Variants in HPX observed in about 807,000 individuals in gnomAD.
The protein encoded by HPX is beta-1B-glycoprotein.
HPX carries 42 observed loss-of-function variants against 53.8 expected under a neutral mutation model. That is an observed-to-expected ratio of 0.78 (90% CI 0.61 to 1.01). HPX has a LOEUF of 1.01. HPX is among the 50% of genes least tolerant of loss of function. The pLI, the probability that HPX is intolerant of heterozygous loss-of-function variation, is 0.00. For missense variants in HPX, 547 were observed against 594.3 expected (o/e 0.92, Z 0.83); for synonymous variants, 229 against 221.1 (o/e 1.04, Z -0.32).
chr11:6,436,577 G>A (rs1217212356), intron 7 of HPX, among the ~76,000 whole-genome samples: 1 of 152,212 alleles, frequency 6.6e-6, no homozygotes, highest in East Asian at 1.9e-4. Context: ...TCCCCAGGCA[G>A]TGCTATGCCC....
Position 6,438,596 on chromosome 11 carries a change from A to T in HPX, c.337-87T>A, listed in dbSNP as rs907764136. The stretch of plus-strand genomic sequence containing the variant: ...CACACATTTTTTATCTACTGTGCTT[A>T]TACGATATCCTCCTGTGGCCCTACA... On this transcript the variant is annotated intron_variant, in intron 4 of 9. Coordinates refer to ENST00000265983, the MANE Select transcript of HPX (RefSeq NM_000613.3). The T allele has an allele frequency of 3.1e-5, 38 of 1,226,128 alleles. No homozygotes were observed. In the Admixed American group the frequency reaches 5.0e-4, roughly 16 times the overall value. 76.0% of individuals were successfully genotyped at this position (1,226,128 alleles called of 1,614,324 possible).
At chr11:6,435,874 T>A (rs2682098) in intron 7 of HPX, among the ~76,000 whole-genome samples, 68,333 of 152,108 alleles carry the variant, frequency 0.45, 15,626 homozygotes, top group Admixed American at 0.55. Context: ...CCACATGGCC[T>A]TGAAGTTCTG....
intron 5 of HPX, chr11:6,438,036 A>G (rs1849438994): frequency 2.0e-6 from 1 of 488,556 alleles, no homozygotes; most frequent in African/African-American, 1.9e-5. Flanking sequence ...AAGTATAATA[A>G]AAGTCAAAGC....
In HPX at chr11:6,440,954, C is replaced by T; in HGVS notation, c.10G>A (p.Val4Ile). The change falls in exon 1 of 10, where the codon GTA becomes ATA. Residue 4 changes from valine (V) to isoleucine (I), a missense_variant. By Grantham distance (29) the Val-to-Ile change is conservative. Transcript: ENST00000265983. MARVLGAPVALGLW... is the reference protein window; with the variant it reads MARILGAPVALGLW... ...CCCAGTGCAACGGGTGCTCCCAGTA[C>T]CCTAGCCATGCTGAGCTGCAGAGGC... The T allele has an allele frequency of 6.2e-7, 1 of 1,604,942 alleles. No individual in the cohort carries two copies. Among genetic ancestry groups the T allele is most frequent in the Non-Finnish European group, 8.5e-7 (1 of 1,175,236 alleles).
chr11:6,435,607 C>A (rs894075903), intron 7 of HPX, among the ~76,000 whole-genome samples: 1 of 151,988 alleles, frequency 6.6e-6, no homozygotes, highest in Non-Finnish European at 1.5e-5. Flanking sequence ...CTACCACACC[C>A]GACTAATTTT....
chr11:6,435,541 T>C (rs1481600557), intron 7 of HPX, among the ~76,000 whole-genome samples: 1 of 152,136 alleles, frequency 6.6e-6, no homozygotes, highest in Non-Finnish European at 1.5e-5. Flanking sequence ...CACGGCTCAC[T>C]GAAGCCTCGA....
In HPX at chr11:6,438,369, G is replaced by A; in HGVS notation, c.477C>T (p.Val159=). Residue 159 remains valine (V), a synonymous_variant, in exon 5 of 10, where the codon GTC becomes GTT. Coordinates refer to ENST00000265983, the MANE Select transcript of HPX (RefSeq NM_000613.3). ...GCCTGGACTGACCTTGGAAGAAGAG[G>A]ACGCCTTCAGCTTGACATTCTCCAC... ...CHRGECQAEG[V]LFFQGDREWF... 1.9e-6 allele frequency: 3 copies of A among 1,614,168 alleles called. No individual in the cohort carries two copies. The highest frequency in any genetic ancestry group is 1.3e-5 in the African/African-American group (1 of 75,042).
Position 6,431,052 on chromosome 11 carries a change from A to C in HPX, c.*159T>G. On this transcript the variant is annotated 3_prime_UTR_variant, in exon 10 of 10. Transcript: ENST00000265983. ...TTTCACGACCAAGGTCCCTTGATTC[A>C]AGTGAAGAAGCAATCTGTCTTTATT... is the stretch of plus-strand genomic sequence containing the variant. 1.0e-6 allele frequency: 1 copy of C among 953,852 alleles called. No homozygotes were observed. The allele number at this position is 953,852 out of a possible 1,614,324, so 59.1% of individuals were successfully genotyped here. A position where few individuals can be genotyped will look rare whatever the true frequency, so the allele number is the denominator to read the frequency against.
intron 4 of HPX, chr11:6,439,588 A>G (rs1455864970): frequency 5.9e-6 from 1 of 170,936 alleles, no homozygotes; most frequent in African/African-American, 2.4e-5. Flanking sequence ...TGGATCCCCA[A>G]GGAACATTAG....
rs1849354611 is a variant in HPX, at chr11:6,431,877, C to CA, written c.966+9dup. The CA allele has an allele frequency of 6.2e-7, 1 of 1,614,130 alleles. No individual in the cohort carries two copies. The highest frequency in any genetic ancestry group is 1.7e-5 in the Admixed American group (1 of 60,024). On this transcript the variant is annotated intron_variant, in intron 8 of 9. Transcript: ENST00000265983. ...CAGTCTCTACCTCAAGCCTCTCCCCCAATACACACCTGGACCAGATAGAGT... is the reference window on the plus strand; with the variant it reads ...CAGTCTCTACCTCAAGCCTCTCCCCCAAATACACACCTGGACCAGATAGAGT...
intron 7 of HPX, among the ~76,000 whole-genome samples, chr11:6,436,489 G>A (rs986203768): frequency 6.6e-6 from 1 of 152,204 alleles, no homozygotes; most frequent in African/African-American, 2.4e-5. Flanking sequence ...GAAACCTCCA[G>A]AGGCTAGTGA....
intron 7 of HPX, among the ~76,000 whole-genome samples, chr11:6,434,488 C>T (rs1269357681): frequency 6.6e-6 from 1 of 152,114 alleles, no homozygotes; most frequent in Non-Finnish European, 1.5e-5. Context: ...TGCCACCACA[C>T]CTGGCTAATT....
chr11:6,431,717 G>C lies in HPX; in HGVS notation c.1053C>G (p.Thr351=), dbSNP rs1223235553. ...YPKRLEKEVG[T]PHGIILDSVD... is the part of the protein sequence containing the mutation. ...CAGAGTCCAGGATAATCCCATGAGG[G>C]GTCCCGACTTCCTTCTCCAGCCGCT... The change falls in exon 9 of 10, where the codon ACC becomes ACG. Residue 351 remains threonine, a synonymous_variant. Transcript: ENST00000265983. 1.2e-6 allele frequency: 2 copies of C among 1,614,182 alleles called. No individual in the cohort carries two copies. Among genetic ancestry groups the C allele is most frequent in the South Asian group, 2.2e-5 (2 of 91,084 alleles).
intron 4 of HPX, chr11:6,439,777 A>G (rs912559969): frequency 9.6e-6 from 3 of 312,742 alleles, no homozygotes; most frequent in African/African-American, 6.5e-5. Flanking sequence ...AGCACAGCAG[A>G]CTGGATTTCA....
At position 6,433,447 on chromosome 11, in the gene HPX, G is replaced by A. The variant is rs189900648; in HGVS notation, c.836-1430C>T. On this transcript the variant is annotated intron_variant, in intron 7 of 9. Coordinates refer to ENST00000265983, the MANE Select transcript of HPX (RefSeq NM_000613.3). Reference sequence around the variant, plus strand: ...TCGCCTTGGCCTCCCAAAGTGCTAGGATTACAGGCGTAAGCCACCACACCC... The same window carrying A: ...TCGCCTTGGCCTCCCAAAGTGCTAGAATTACAGGCGTAAGCCACCACACCC... Among the ~76,000 whole-genome samples, 24 of 152,216 alleles carry A rather than the reference G, an allele frequency of 1.6e-4. No homozygotes were observed. In the East Asian group the frequency reaches 4.6e-3, roughly 29 times the overall value.
chr11:6,438,538 T>A (rs2306896), intron 4 of HPX, 29 bp from the exon 5 acceptor site: 22 of 1,608,322 alleles, frequency 1.4e-5, no homozygotes, highest in Middle Eastern at 1.6e-4. Context: ...TCTTTTTGAC[T>A]GTGCATCCCC....
intron 4 of HPX, 123 bp downstream of exon 4, chr11:6,440,042 G>T: frequency 7.9e-7 from 1 of 1,261,802 alleles, no homozygotes; most frequent in Non-Finnish European, 1.1e-6. Flanking sequence ...GGAAAGGAGG[G>T]CACATGGGAA....
chr11:6,439,581 A>C (rs1849459475), intron 4 of HPX: 1 of 169,318 alleles, frequency 5.9e-6, no homozygotes. Context: ...GCTAGGATGG[A>C]TCCCCAAGGA....
At position 6,431,575 on chromosome 11, in the gene HPX, G is replaced by C. The variant is rs1037470517; in HGVS notation, c.1129+66C>G. The C allele has an allele frequency of 2.3e-5, 37 of 1,607,670 alleles. No homozygotes were observed. In the African/African-American group the frequency reaches 5.0e-4, roughly 22 times the overall value. ...CTGACCTAGGCCTTCTCATGCCCTG[G>C]TGGGGATCTATGCCACAGACAGGTA... On this transcript the variant is annotated intron_variant, in intron 9 of 9. Coordinates refer to ENST00000265983, the MANE Select transcript of HPX (RefSeq NM_000613.3).
Sources: allele counts gnomAD v4.1 joint callset (sites outside exome capture counted in the v4.1 genomes callset), GRCh38; gene constraint gnomAD v4.1.1; transcripts MANE v1.5; gene names NCBI Gene and HGNC (gene_info 2026-07-23, HGNC 2026-07-21).